CADM1: variants seen among roughly 807,000 people sequenced by gnomAD.
CADM1 encodes TSLC-1.
A neutral mutation model predicts 53.1 loss-of-function variants in CADM1; 15 were observed. That is an observed-to-expected ratio of 0.28 (90% CI 0.19 to 0.44). CADM1 has a LOEUF of 0.44. Among genes scored for constraint, CADM1 ranks in the 20% least tolerant of loss-of-function variants. The pLI, the probability that CADM1 is intolerant of heterozygous loss-of-function variation, is 1.00. For synonymous variants in CADM1, 281 were observed against 243.0 expected (o/e 1.16, Z -1.45); for missense variants, 434 against 611.3 (o/e 0.71, Z 3.06).
chr11:115,293,296 G>A (rs1009763960), intron 1 of CADM1, among the ~76,000 whole-genome samples: 1 of 152,170 alleles, frequency 6.6e-6, no homozygotes, highest in South Asian at 2.1e-4. Context: ...AGCTGGGCGT[G>A]GTGGCGGGCG....
chr11:115,327,303 T>A (rs914533521), intron 1 of CADM1, among the ~76,000 whole-genome samples: 1 of 152,094 alleles, frequency 6.6e-6, no homozygotes, highest in Non-Finnish European at 1.5e-5. Context: ...TCCAATCCCC[T>A]ATACACTACC....
chr11:115,373,491 G>A (rs1326720284), intron 1 of CADM1, among the ~76,000 whole-genome samples: 2 of 149,154 alleles, frequency 1.3e-5, no homozygotes, highest in Non-Finnish European at 3.0e-5. Context: ...TGGCTGAGGC[G>A]TGAGAATTGC....
chr11:115,381,171 C>T (rs900289488), intron 1 of CADM1, among the ~76,000 whole-genome samples: 3 of 151,920 alleles, frequency 2.0e-5, no homozygotes, highest in African/African-American at 7.3e-5. Context: ...GTGGCAGCCA[C>T]CTGTAATCCC....
chr11:115,292,055 C>T (rs1022597082), intron 1 of CADM1, among the ~76,000 whole-genome samples: 1 of 144,150 alleles, frequency 6.9e-6, no homozygotes, highest in African/African-American at 2.7e-5. Flanking sequence ...ATAATGAAGA[C>T]TAGGGGCTTG....
intron 1 of CADM1, among the ~76,000 whole-genome samples, chr11:115,295,570 T>C (rs768972561): frequency 1.9e-4 from 27 of 142,518 alleles, no homozygotes; most frequent in Non-Finnish European, 3.5e-4. Context: ...TATATGCACA[T>C]ATATAATATA....
intron 5 of CADM1, among the ~76,000 whole-genome samples, chr11:115,223,973 A>AAAAGAGAGAG (rs59495248): frequency 1.1e-4 from 10 of 92,482 alleles, no homozygotes; most frequent in Non-Finnish European, 1.7e-4. Context: ...AAAAAAAAAA[A>AAAAGAGAGAG]AGAGAGAGAG....
At chr11:115,297,347 T>C (rs1283579062) in intron 1 of CADM1, among the ~76,000 whole-genome samples, 2 of 152,202 alleles carry the variant, frequency 1.3e-5, no homozygotes, top group Non-Finnish European at 2.9e-5. Flanking sequence ...GATGTTCAGC[T>C]GCATGATCAG....
intron 1 of CADM1, among the ~76,000 whole-genome samples, chr11:115,261,371 C>T (rs1038444679): frequency 6.6e-6 from 1 of 152,072 alleles, no homozygotes; most frequent in African/African-American, 2.4e-5. Flanking sequence ...AGAATTAATG[C>T]CTCTCTCAAA....
Position 115,214,423 on chromosome 11 carries a change from G to A in CADM1, c.994+185C>T, listed in dbSNP as rs372047108. ...GTAGAAACACCCACCATTAGAGGGAGAGAAGAAAAGTCACTATCCCAGGTG... is the reference window on the plus strand; with the variant it reads ...GTAGAAACACCCACCATTAGAGGGAAAGAAGAAAAGTCACTATCCCAGGTG... On this transcript the variant is annotated intron_variant, in intron 7 of 11. Coordinates refer to ENST00000331581, the MANE Select transcript of CADM1 (RefSeq NM_001301043.2). The A allele has an allele frequency of 1.6e-5, 10 of 625,598 alleles. 1 individual carries two copies. In the East Asian group the frequency reaches 2.2e-4, roughly 14 times the overall value. 38.8% of individuals were successfully genotyped at this position (625,598 alleles called of 1,614,324 possible).
At chr11:115,189,984 G>T (rs1264630476) in intron 10 of CADM1, among the ~76,000 whole-genome samples, 1 of 152,162 alleles carries the variant, frequency 6.6e-6, no homozygotes, top group African/African-American at 2.4e-5. Flanking sequence ...TTATAGTTAA[G>T]GACTGCACCT....
chr11:115,318,049 T>C (rs74625701), intron 1 of CADM1, among the ~76,000 whole-genome samples: 1,816 of 152,138 alleles, frequency 0.012, 33 homozygotes, highest in African/African-American at 0.041. Flanking sequence ...CTACTTATTT[T>C]TTTTAATTTG....
intron 10 of CADM1, among the ~76,000 whole-genome samples, chr11:115,189,907 T>C (rs1290167320): frequency 6.6e-6 from 1 of 152,218 alleles, no homozygotes; most frequent in Non-Finnish European, 1.5e-5. Context: ...AAGCACGTAG[T>C]TGGCAATAAA....
intron 1 of CADM1, among the ~76,000 whole-genome samples, chr11:115,272,825 A>G (rs1363267917): frequency 2.0e-5 from 3 of 151,580 alleles, no homozygotes; most frequent in Non-Finnish European, 4.4e-5. Context: ...GGTGCAGCAC[A>G]CCAGCATGGC....
intron 1 of CADM1, among the ~76,000 whole-genome samples, chr11:115,348,172 T>G (rs909648173): frequency 6.6e-6 from 1 of 152,162 alleles, no homozygotes; most frequent in African/African-American, 2.4e-5. Context: ...AAAGGTAAGG[T>G]AGGTTCTTAC....
chr11:115,458,152 G>A (rs1948719237), intron 1 of CADM1, among the ~76,000 whole-genome samples: 1 of 151,870 alleles, frequency 6.6e-6, no homozygotes, highest in Non-Finnish European at 1.5e-5. Context: ...TAATTACACT[G>A]AGCTCTGATT....
chr11:115,269,892 C>G (rs1435017933), intron 1 of CADM1, among the ~76,000 whole-genome samples: 1 of 152,198 alleles, frequency 6.6e-6, no homozygotes, highest in African/African-American at 2.4e-5. Context: ...AACAACCTCT[C>G]TACTCCGGTG....
rs1412036110 is a variant in CADM1 at position 115,343,214 on chromosome 11, A to C, written c.125-102794T>G. Among the ~76,000 whole-genome samples, 6 of 152,264 alleles carry C rather than the reference A, an allele frequency of 3.9e-5. No homozygotes were observed. In the East Asian group the frequency reaches 1.2e-3, roughly 29 times the overall value. On this transcript the variant is annotated intron_variant, in intron 1 of 11. Coordinates refer to ENST00000331581, the MANE Select transcript of CADM1 (RefSeq NM_001301043.2). The stretch of plus-strand genomic sequence containing the variant: ...AAAATTAAGTTAATTGTCCAAGGTC[A>C]AACAACTAGTAAAAGATGGAGTTAG...
At chr11:115,483,459 C>T (rs1315829559) in intron 1 of CADM1, among the ~76,000 whole-genome samples, 3 of 152,136 alleles carry the variant, frequency 2.0e-5, no homozygotes, top group South Asian at 4.1e-4. Context: ...AATCTATGCA[C>T]TAGATGAGCT....
At position 115,438,797 on chromosome 11, in the gene CADM1, C is replaced by T. The variant is rs529130801; in HGVS notation, c.124+65474G>A. On this transcript the variant is annotated intron_variant, in intron 1 of 11. Transcript: ENST00000331581. ...TGTCCCAACTGGTAAGTATCCACCTCATTTCAGGCCTTGGCCATATGCATC... is the reference window on the plus strand; with the variant it reads ...TGTCCCAACTGGTAAGTATCCACCTTATTTCAGGCCTTGGCCATATGCATC... Among the ~76,000 whole-genome samples, 8 of 152,192 alleles carry T rather than the reference C, an allele frequency of 5.3e-5. No homozygotes were observed. The East Asian group carries it at 1.5e-3, about 29-fold the overall frequency.
Sources: gnomAD v4.1 joint callset for allele counts (sites outside exome capture counted in the v4.1 genomes callset) on GRCh38, gnomAD v4.1.1 for gene constraint, MANE v1.5 for transcripts, NCBI Gene and HGNC (gene_info 2026-07-23, HGNC 2026-07-21) for gene names.